Variants in KHDRBS2 observed in about 807,000 individuals in gnomAD.
The protein encoded by KHDRBS2 is KH RNA binding domain containing, signal transduction associated 2, also known as KH domain-containing, RNA-binding, signal transduction-associated protein 2.
In KHDRBS2, 26 loss-of-function variants were observed where a neutral mutation model predicts 44.3. The observed-to-expected ratio is 0.59, with a 90% confidence interval of 0.43 to 0.81. KHDRBS2 has a LOEUF of 0.81. KHDRBS2 is among the 40% of genes least tolerant of loss of function. The pLI is 0.00. For missense variants in KHDRBS2, 476 were observed against 433.1 expected, an observed-to-expected ratio of 1.10 and a Z score of -0.88; for synonymous variants, 194 against 151.1, an observed-to-expected ratio of 1.28 and a Z score of -2.08.
At chr6:62,114,039 A>C (rs1295588952) in intron 2 of KHDRBS2, among the ~76,000 whole-genome samples, 1 of 152,070 alleles carries the variant, frequency 6.6e-6, no homozygotes, top group East Asian at 1.9e-4. Flanking sequence ...AGCGCAAAGC[A>C]AAGGGGGAAA....
chr6:61,793,593 A>T (rs184200365), intron 6 of KHDRBS2, among the ~76,000 whole-genome samples: 1 of 152,124 alleles, frequency 6.6e-6, no homozygotes, highest in Admixed American at 6.5e-5. Context: ...TCAACTAAAT[A>T]CTGAAAATTT....
chr6:61,989,173 T>C (rs1483006677), intron 3 of KHDRBS2, among the ~76,000 whole-genome samples: 1 of 152,180 alleles, frequency 6.6e-6, no homozygotes, highest in Non-Finnish European at 1.5e-5. Context: ...GAAATATATA[T>C]AAACCCTTTT....
intron 4 of KHDRBS2, among the ~76,000 whole-genome samples, chr6:61,966,612 G>A (rs534068514): frequency 4.6e-5 from 7 of 152,124 alleles, no homozygotes; most frequent in African/African-American, 1.4e-4. Flanking sequence ...AATATCTTAA[G>A]AAGCCAAAAT....
chr6:61,859,779 A>C (rs1796658664), intron 6 of KHDRBS2, among the ~76,000 whole-genome samples: 1 of 152,150 alleles, frequency 6.6e-6, no homozygotes, highest in Middle Eastern at 3.4e-3. Flanking sequence ...TATGTATATA[A>C]ATAGAAAAAG....
chr6:61,869,312 A>G (rs1252025065), intron 6 of KHDRBS2, among the ~76,000 whole-genome samples: 1 of 152,230 alleles, frequency 6.6e-6, no homozygotes, highest in East Asian at 1.9e-4. Flanking sequence ...CTTAATAGCA[A>G]TGTTAGAAGC....
At chr6:61,801,771 T>C (rs372134580) in intron 6 of KHDRBS2, among the ~76,000 whole-genome samples, 2 of 152,168 alleles carry the variant, frequency 1.3e-5, no homozygotes, top group African/African-American at 4.8e-5. Context: ...AGGGATAATA[T>C]TAAGACAGCC....
At chr6:61,703,281 T>A (rs1349020241) in intron 7 of KHDRBS2, among the ~76,000 whole-genome samples, 1 of 151,820 alleles carries the variant, frequency 6.6e-6, no homozygotes, top group Non-Finnish European at 1.5e-5. Context: ...TGTCACATAT[T>A]TTAAAAATTC....
At chr6:62,092,874 GC>G (rs1449037098) in intron 2 of KHDRBS2, among the ~76,000 whole-genome samples, 3 of 151,962 alleles carry the variant, frequency 2.0e-5, no homozygotes, top group African/African-American at 7.2e-5. Flanking sequence ...CCACCCATTA[GC>G]CCCTCCTCTA....
intron 6 of KHDRBS2, among the ~76,000 whole-genome samples, chr6:61,846,824 G>T (rs1413035604): frequency 6.6e-6 from 1 of 151,626 alleles, no homozygotes; most frequent in Non-Finnish European, 1.5e-5. Context: ...ATAGGATATT[G>T]TTGATTAATT....
chr6:62,175,989 T>C (rs1563004924), intron 2 of KHDRBS2, among the ~76,000 whole-genome samples: 1 of 151,388 alleles, frequency 6.6e-6, no homozygotes, highest in African/African-American at 2.4e-5. Context: ...CCAAGAAACA[T>C]CATCAAGTTA....
At chr6:61,599,813 A>G in the KHDRBS2 span, among the ~76,000 whole-genome samples, 1 of 152,334 alleles carries the variant, frequency 6.6e-6, no homozygotes, top group South Asian at 2.1e-4. Context: ...CACACTGGCC[A>G]CTGGAAAGAA....
chr6:62,016,891 C>T (rs564101307), intron 3 of KHDRBS2, among the ~76,000 whole-genome samples: 4 of 151,820 alleles, frequency 2.6e-5, no homozygotes, highest in African/African-American at 9.7e-5. Flanking sequence ...GTCAGTAAAC[C>T]CTTTGTTTCT....
Position 61,822,900 on chromosome 6 carries a change from G to C in KHDRBS2, c.810+71735C>G, listed in dbSNP as rs566464361. Reference sequence around the variant, plus strand: ...TCATATTATTTCTACTACAATCCTTGAAACAGTGTATCATAATTAGCTCTC... The same window carrying C: ...TCATATTATTTCTACTACAATCCTTCAAACAGTGTATCATAATTAGCTCTC... On this transcript the variant is annotated intron_variant, in intron 6 of 8. Transcript: ENST00000281156. Among the ~76,000 whole-genome samples the C allele has an allele frequency of 1.7e-3, 251 of 152,010 alleles. 1 individual carries two copies. Among genetic ancestry groups the C allele is most frequent in the Non-Finnish European group, 2.9e-3 (197 of 67,952 alleles).
At chr6:61,678,265 T>G (rs2127536589), downstream of KHDRBS2, among the ~76,000 whole-genome samples, 2 of 152,048 alleles carry the variant, frequency 1.3e-5, 1 homozygote, top group South Asian at 4.1e-4. Context: ...CCTGCACTCT[T>G]TTCAGTTGAA....
At chr6:61,793,978 A>G (rs1294573880) in intron 6 of KHDRBS2, among the ~76,000 whole-genome samples, 4 of 152,206 alleles carry the variant, frequency 2.6e-5, no homozygotes, top group Non-Finnish European at 5.9e-5. Flanking sequence ...CAATTTCGGT[A>G]CTGTGTTATG....
At chr6:61,810,567 T>G (rs774669008) in intron 6 of KHDRBS2, among the ~76,000 whole-genome samples, 3 of 152,062 alleles carry the variant, frequency 2.0e-5, no homozygotes, top group Non-Finnish European at 4.4e-5. Context: ...ATGTAAAAAT[T>G]TAATAAAAAT....
chr6:62,025,258 G>A (rs1387392657), intron 3 of KHDRBS2, among the ~76,000 whole-genome samples: 1 of 151,490 alleles, frequency 6.6e-6, no homozygotes, highest in Admixed American at 6.6e-5. Context: ...ACATTGTATT[G>A]TCTTAGAACA....
At chr6:61,870,370 GA>G (rs1033926166) in intron 6 of KHDRBS2, among the ~76,000 whole-genome samples, 1 of 152,166 alleles carries the variant, frequency 6.6e-6, no homozygotes, top group East Asian at 1.9e-4. Context: ...GGGCATCTCT[GA>G]AAAAAAGGCA....
chr6:62,048,752 A>C (rs1180362241), intron 2 of KHDRBS2, among the ~76,000 whole-genome samples: 6 of 151,980 alleles, frequency 3.9e-5, no homozygotes, highest in Non-Finnish European at 8.8e-5. Flanking sequence ...TTACGAAAGC[A>C]TTTATGTTAG....
Sources: allele counts gnomAD v4.1 joint callset (sites outside exome capture counted in the v4.1 genomes callset), GRCh38; gene constraint gnomAD v4.1.1; transcripts MANE v1.5; gene names NCBI Gene and HGNC (gene_info 2026-07-23, HGNC 2026-07-21).